Variants in PRRC2C observed in about 807,000 individuals in gnomAD.
PRRC2C encodes the protein protein PRRC2C.
PRRC2C carries 72 observed loss-of-function variants against 317.2 expected under a neutral mutation model. That is an observed-to-expected ratio of 0.23 (90% CI 0.19 to 0.28). PRRC2C has a LOEUF of 0.28. Ranked by LOEUF, PRRC2C falls within the 10% of genes least tolerant of loss-of-function variation. PRRC2C has a pLI of 1.00. For synonymous variants in PRRC2C, 1,296 were observed against 1,205.9 expected, an observed-to-expected ratio of 1.07 and a Z score of -1.55; for missense variants, 3,074 against 3,459.7, an observed-to-expected ratio of 0.89 and a Z score of 2.80.
intron 1 of PRRC2C, among the ~76,000 whole-genome samples, chr1:171,493,411 G>A (rs1371753609): frequency 1.3e-5 from 2 of 152,194 alleles, no homozygotes; most frequent in African/African-American, 4.8e-5. Flanking sequence ...GAGGTAGGAG[G>A]ATCACTTGAG....
In PRRC2C at chr1:171,584,449, C is replaced by G; in HGVS notation, c.7672C>G (p.Leu2558Val). The G allele has an allele frequency of 6.3e-7, 1 of 1,588,474 alleles. No individual in the cohort carries two copies. ...ARANLTQASN[L>V]YSGQVQQPGQ... is the part of the protein sequence containing the mutation. ...AGCAAATCTTACCCAGGCCTCAAAT[C>G]TTTATTCTGGACAAGTACAACAGCC... Residue 2558 changes from leucine to valine, a missense_variant, in exon 30 of 35, where the codon CTT becomes GTT. Around this residue, in one of 11 missense-constraint regions of PRRC2C, gnomAD observed 490 missense variants for 663.1 expected, o/e 0.74. Transcript: ENST00000647382.
At chr1:171,576,346 A>T (rs573435099) in intron 25 of PRRC2C, among the ~76,000 whole-genome samples, 1 of 152,094 alleles carries the variant, frequency 6.6e-6, no homozygotes, top group East Asian at 1.9e-4. Flanking sequence ...GACTAGGATA[A>T]TTTTTTTAAC....
chr1:171,577,821 A>AGGCT (rs1292941919), intron 26 of PRRC2C, among the ~76,000 whole-genome samples, 184 bp downstream of exon 26: 2 of 119,540 alleles, frequency 1.7e-5, no homozygotes, highest in African/African-American at 6.8e-5. Context: ...TCTGTTGCCC[A>AGGCT]GGCTGGATTG....
At chr1:171,572,504 C>T (rs537136725) in intron 24 of PRRC2C, among the ~76,000 whole-genome samples, 3 of 152,176 alleles carry the variant, frequency 2.0e-5, no homozygotes, top group Non-Finnish European at 4.4e-5. Context: ...TTATCTTTTC[C>T]CCTGTCTGCC....
chr1:171,491,683 C>G (rs1437633055), intron 1 of PRRC2C, among the ~76,000 whole-genome samples: 2 of 152,140 alleles, frequency 1.3e-5, no homozygotes, highest in Non-Finnish European at 2.9e-5. Flanking sequence ...ACAGAATTCT[C>G]ATTTATCCAG....
Position 171,545,625 on chromosome 1 carries a change from G to T in PRRC2C, c.4910G>T (p.Gly1637Val), listed in dbSNP as rs200996310. ...AAAAAAAGAGAAGACCCCAAACCAG[G>T]CCCTAAAAAACCAAAAGAGAAAGTG... ...TGKKREDPKP[G>V]PKKPKEKVDA... The change falls in exon 17 of 35, where the codon GGC becomes GTC. Residue 1637 changes from glycine to valine, a missense_variant. This residue lies in a region of PRRC2C where 178 missense variants were observed against 163.0 expected (regional missense o/e 1.09). Coordinates refer to ENST00000647382, the MANE Select transcript of PRRC2C (RefSeq NM_001387844.1). 192 of 1,612,700 alleles carry T rather than the reference G, an allele frequency of 1.2e-4. 1 individual carries two copies. In the Admixed American group the frequency reaches 1.2e-3, roughly 10 times the overall value.
intron 24 of PRRC2C, among the ~76,000 whole-genome samples, chr1:171,572,998 C>T (rs1685042090): frequency 6.6e-6 from 1 of 152,102 alleles, no homozygotes; most frequent in South Asian, 2.1e-4. Context: ...TAAATTCTTA[C>T]TTATTATCAG....
chr1:171,486,836 C>G (rs1324620434), intron 1 of PRRC2C, among the ~76,000 whole-genome samples: 1 of 152,114 alleles, frequency 6.6e-6, no homozygotes, highest in Non-Finnish European at 1.5e-5. Flanking sequence ...CAAGCCTAAC[C>G]CCACCATTTT....
chr1:171,487,789 A>T (rs1222495749), intron 1 of PRRC2C, among the ~76,000 whole-genome samples: 1 of 152,190 alleles, frequency 6.6e-6, no homozygotes, highest in African/African-American at 2.4e-5. Context: ...GAATGGTAGG[A>T]TATTGGTAGA....
At position 171,584,536 on chromosome 1, in the gene PRRC2C, G is replaced by A. The variant is rs1649411863; in HGVS notation, c.7749+10G>A. The A allele has an allele frequency of 1.3e-6, 2 of 1,542,754 alleles. No individual in the cohort carries two copies. Among genetic ancestry groups the A allele is most frequent in the African/African-American group, 1.4e-5 (1 of 71,486 alleles). The stretch of plus-strand genomic sequence containing the variant: ...AAGTGCTCTCCAGCAGGTAAACTAT[G>A]GCATGGTAAATTTCCTCAATTTTCT... On this transcript the variant is annotated intron_variant, in intron 30 of 34. Transcript: ENST00000647382.
At chr1:171,530,853 A>G (rs1453344592) in intron 11 of PRRC2C, among the ~76,000 whole-genome samples, 1 of 152,198 alleles carries the variant, frequency 6.6e-6, no homozygotes, top group African/African-American at 2.4e-5. Context: ...TGTAAATGAA[A>G]TATCTATTTA....
chr1:171,487,495 A>G (rs1182959230), intron 1 of PRRC2C, among the ~76,000 whole-genome samples: 1 of 152,216 alleles, frequency 6.6e-6, no homozygotes, highest in African/African-American at 2.4e-5. Flanking sequence ...AATGGAATAT[A>G]TCCACTTTGG....
rs960547651 is a variant in PRRC2C at position 171,528,735 on chromosome 1, A to G, written c.1254+891A>G. On this transcript the variant is annotated intron_variant, in intron 11 of 34. Transcript: ENST00000647382. ...TCAGTGATGACTTCCATCTTGACAAATTCAGTTTTCTTGTCTTCATCTCAT... is the reference window on the plus strand; with the variant it reads ...TCAGTGATGACTTCCATCTTGACAAGTTCAGTTTTCTTGTCTTCATCTCAT... 7.9e-5 allele frequency among the ~76,000 whole-genome samples: 12 copies of G among 151,464 alleles called. No individual in the cohort carries two copies. The East Asian group carries it at 1.7e-3, about 22-fold the overall frequency.
chr1:171,587,837 C>T, intron 32 of PRRC2C, 86 bp downstream of exon 32: 1 of 775,856 alleles, frequency 1.3e-6, no homozygotes, highest in Non-Finnish European at 2.0e-6. Context: ...GACATAATCC[C>T]TTTTCCAAGC....
chr1:171,531,757 C>T (rs959866630), intron 11 of PRRC2C, among the ~76,000 whole-genome samples: 1 of 152,144 alleles, frequency 6.6e-6, no homozygotes, highest in African/African-American at 2.4e-5. Flanking sequence ...GTTCTAGATA[C>T]GCTTTTCTGG....
At chr1:171,591,024 G>C (rs539543851) in intron 34 of PRRC2C, 13 of 226,112 alleles carry the variant, frequency 5.7e-5, no homozygotes, top group African/African-American at 3.0e-4. Context: ...TTTGACGTAA[G>C]TATATTTTTG....
intron 34 of PRRC2C, among the ~76,000 whole-genome samples, chr1:171,590,852 A>G (rs1355432882): frequency 2.0e-5 from 3 of 152,186 alleles, no homozygotes; most frequent in African/African-American, 7.2e-5. Flanking sequence ...ATTAGAGCTT[A>G]ATAGTAGTAA....
intron 1 of PRRC2C, among the ~76,000 whole-genome samples, chr1:171,508,127 C>T (rs1231388514): frequency 6.6e-6 from 1 of 151,986 alleles, no homozygotes; most frequent in African/African-American, 2.4e-5. Flanking sequence ...TTTGTGATAC[C>T]TTTTATTCCT....
intron 17 of PRRC2C, among the ~76,000 whole-genome samples, chr1:171,548,170 T>A (rs996109051): frequency 1.3e-5 from 2 of 151,856 alleles, no homozygotes; most frequent in African/African-American, 4.8e-5. Context: ...TTTTTTACCA[T>A]GTTAGCCAGG....
Sources: allele counts gnomAD v4.1 joint callset (sites outside exome capture counted in the v4.1 genomes callset), GRCh38; gene constraint gnomAD v4.1.1; regional missense constraint gnomAD v4.1.1; transcripts MANE v1.5; gene names NCBI Gene and HGNC (gene_info 2026-07-23, HGNC 2026-07-21).